The following PDCD6 variants were observed in gnomAD, a reference collection of about 807,000 sequenced individuals.
The protein encoded by PDCD6 is programmed cell death protein 6.
Under a neutral mutation model 28.3 loss-of-function variants are expected in PDCD6, and 12 were observed. That is an observed-to-expected ratio of 0.42 (90% CI 0.27 to 0.69). The LOEUF is 0.69. PDCD6 is among the 30% of genes least tolerant of loss of function. The pLI is 0.22. For missense variants in PDCD6, 226 were observed against 269.9 expected (o/e 0.84, Z 1.14); for synonymous variants, 92 against 108.0 (o/e 0.85, Z 0.92).
At chr5:288,294 AT>A (rs1561037365) in intron 2 of PDCD6, among the ~76,000 whole-genome samples, 10 of 106,440 alleles carry the variant, frequency 9.4e-5, no homozygotes, top group African/African-American at 2.8e-4. Flanking sequence ...TATATATATT[AT>A]ATATATATAT....
chr5:309,983 C>T (rs1453816141), intron 4 of PDCD6: 2 of 225,454 alleles, frequency 8.9e-6, no homozygotes, highest in African/African-American at 2.5e-5. Flanking sequence ...CAGTGATGGC[C>T]GCCGTGCCCG....
Position 307,921 on chromosome 5 carries a change from C to A in PDCD6, c.367+1161C>A, listed in dbSNP as rs554343403. ...CCTCAAGAAGCAGTTCTGAGCTGAC[C>A]AGCTGCGAGCCAGGATTTGGGCTGG... is the stretch of plus-strand genomic sequence containing the variant. On this transcript the variant is annotated intron_variant, in intron 4 of 5. Coordinates refer to ENST00000264933, the MANE Select transcript of PDCD6 (RefSeq NM_013232.4). The surrounding 1 kb of genome is among the most constrained non-coding windows in gnomAD (Gnocchi z 6.1). Among the ~76,000 whole-genome samples, 9 of 152,284 alleles carry A rather than the reference C, an allele frequency of 5.9e-5. No individual in the cohort carries two copies. Among genetic ancestry groups the A allele is most frequent in the Non-Finnish European group, 1.2e-4 (8 of 68,010 alleles).
At position 302,395 on chromosome 5, in the gene PDCD6, C is replaced by CTGTGTGTGTGTG. The variant is rs1561046930; in HGVS notation, c.164-1775_164-1774insGTGTGTGTGTGT. ...GGAGGGTGGGTCGTGGAGTGCTGCT[C>CTGTGTGTGTGTG]TGTGTGTATGCCTCAGGTTCAGGTG... On this transcript the variant is annotated intron_variant, in intron 2 of 5. Transcript: ENST00000264933. Among the ~76,000 whole-genome samples the CTGTGTGTGTGTG allele has an allele frequency of 4.8e-3, 367 of 76,154 alleles. 18 individuals carry two copies. The highest frequency in any genetic ancestry group is 0.017 in the African/African-American group (141 of 8,414). The allele number at this position is 76,154 out of a possible 152,430, so 50.0% of individuals were successfully genotyped here.
In PDCD6 at chr5:293,342, C is replaced by T. The variant is rs1462194994; in HGVS notation, c.164-10835C>T. On this transcript the variant is annotated intron_variant, in intron 2 of 5. Transcript: ENST00000264933. ...GCAGATCAAGAAGACGGGAACAGCACGAGGCACTGGGAGCTGCAAACGCCT... is the reference window on the plus strand; with the variant it reads ...GCAGATCAAGAAGACGGGAACAGCATGAGGCACTGGGAGCTGCAAACGCCT... Among the ~76,000 whole-genome samples the T allele has an allele frequency of 1.0e-4, 14 of 133,664 alleles. 1 individual carries two copies. Among genetic ancestry groups the T allele is most frequent in the Middle Eastern group, 3.9e-3 (1 of 254 alleles). The allele number at this position is 133,664 out of a possible 152,430, so 87.7% of individuals were successfully genotyped here.
chr5:302,408 T>A (rs1212740178), intron 2 of PDCD6, among the ~76,000 whole-genome samples: 7 of 85,378 alleles, frequency 8.2e-5, no homozygotes, highest in Admixed American at 3.3e-4. Flanking sequence ...TGTGTATGCC[T>A]CAGGTTCAGG....
chr5:284,254 C>T (rs1329045505), intron 2 of PDCD6, among the ~76,000 whole-genome samples: 4 of 151,752 alleles, frequency 2.6e-5, no homozygotes, highest in Non-Finnish European at 5.9e-5. Flanking sequence ...GCTGAAGACT[C>T]GGGGAGGAGC....
intron 2 of PDCD6, chr5:289,499 T>G: frequency 1.4e-6 from 1 of 720,992 alleles, no homozygotes; most frequent in Non-Finnish European, 2.5e-6. Context: ...GATGCTTCTG[T>G]TTCTTCTACC....
In PDCD6 at chr5:273,146, C is replaced by T. The variant is rs559295525; in HGVS notation, c.163+374C>T. On this transcript the variant is annotated intron_variant, in intron 2 of 5. Coordinates refer to ENST00000264933, the MANE Select transcript of PDCD6 (RefSeq NM_013232.4). ...ATCTTGGTGACTTCTCTGAATAGAC[C>T]TTCGAGGGCACTGGGGGGTGATTGT... 6.4e-5 allele frequency: 14 copies of T among 217,270 alleles called. No homozygotes were observed. In the East Asian group the frequency reaches 9.0e-4, roughly 14 times the overall value. The allele number at this position is 217,270 out of a possible 1,614,324, so 13.5% of individuals were successfully genotyped here. A position where few individuals can be genotyped will look rare whatever the true frequency, so the allele number is the denominator to read the frequency against.
chr5:301,582 G>T (rs182874237), intron 2 of PDCD6, among the ~76,000 whole-genome samples: 2 of 152,222 alleles, frequency 1.3e-5, no homozygotes, highest in Non-Finnish European at 2.9e-5. Context: ...ACAGATGCTC[G>T]TCGAGTGCTG....
In PDCD6 at chr5:275,984, A is replaced by G. The variant is rs368851514; in HGVS notation, c.163+3212A>G. ...CCTCCACCCCTTTGCTTTGGGCTCT[A>G]AGCTTCTTCTGCCTTTCATCTCTGT... On this transcript the variant is annotated intron_variant, in intron 2 of 5. Coordinates refer to ENST00000264933, the MANE Select transcript of PDCD6 (RefSeq NM_013232.4). The G allele has an allele frequency of 1.6e-3, 2,025 of 1,283,764 alleles. 29 individuals are homozygous for G. In the African/African-American group the frequency reaches 0.024, roughly 15 times the overall value. The allele number at this position is 1,283,764 out of a possible 1,614,324, so 79.5% of individuals were successfully genotyped here.
At chr5:298,466 G>A (rs1739758349) in intron 2 of PDCD6, among the ~76,000 whole-genome samples, 1 of 152,014 alleles carries the variant, frequency 6.6e-6, no homozygotes, top group Non-Finnish European at 1.5e-5. Context: ...GGGACGGGAG[G>A]CCTGGCAAAC....
At chr5:300,289 T>G (rs1347427218) in intron 2 of PDCD6, among the ~76,000 whole-genome samples, 1 of 152,186 alleles carries the variant, frequency 6.6e-6, no homozygotes, top group Non-Finnish European at 1.5e-5. Context: ...GACCCCCAGG[T>G]TCAGGAGAGC....
chr5:297,486 G>T (rs1739693388), intron 2 of PDCD6, among the ~76,000 whole-genome samples: 1 of 152,176 alleles, frequency 6.6e-6, no homozygotes, highest in African/African-American at 2.4e-5. Flanking sequence ...AAGTGTTTCA[G>T]CTTTTTTGAG....
intron 2 of PDCD6, among the ~76,000 whole-genome samples, chr5:298,237 C>T (rs140683791): frequency 0.015 from 2,332 of 152,234 alleles, 60 homozygotes; most frequent in African/African-American, 0.053. Flanking sequence ...TGAGGGGTGC[C>T]TGGAACATTT....
chr5:310,775 T>A (rs1360332193), intron 4 of PDCD6: 2 of 159,398 alleles, frequency 1.3e-5, no homozygotes, highest in Non-Finnish European at 2.7e-5. Context: ...GCCACTCCCA[T>A]TTCCTGACAT....
In PDCD6 at chr5:271,761, C is replaced by G. The variant is rs746293509; in HGVS notation, c.41C>G (p.Pro14Arg). Residue 14 changes from proline to arginine, a missense_variant, in exon 1 of 6, where the codon CCT becomes CGT. Physicochemically the swap from Pro to Arg is moderately radical, Grantham distance 103. Around this residue, in one of 3 missense-constraint regions of PDCD6, gnomAD observed 72 missense variants for 71.4 expected, o/e 1.01. Transcript: ENST00000264933. ...TACCGCCCCGGCCCTGGGGCCGGCC[C>G]TGGGCCTGCTGCAGGCGCGGCGCTG... ...YSYRPGPGAG[P>R]GPAAGAALPD... 1 of 1,506,042 alleles carries G rather than the reference C, an allele frequency of 6.6e-7. No individual in the cohort carries two copies. Among genetic ancestry groups the G allele is most frequent in the Admixed American group, 2.3e-5 (1 of 44,278 alleles). 93.3% of individuals were successfully genotyped at this position (1,506,042 alleles called of 1,614,324 possible). A position where few individuals can be genotyped will look rare whatever the true frequency, so the allele number is the denominator to read the frequency against.
chr5:301,576 A>T (rs1579531104), intron 2 of PDCD6, among the ~76,000 whole-genome samples: 1 of 152,370 alleles, frequency 6.6e-6, no homozygotes, highest in African/African-American at 2.4e-5. Flanking sequence ...AGCTTAACAG[A>T]TGCTCGTCGA....
chr5:290,088 G>C (rs1739227285), intron 2 of PDCD6: 19 of 1,574,356 alleles, frequency 1.2e-5, no homozygotes, highest in Non-Finnish European at 1.7e-5. Context: ...TTTCATCAAA[G>C]GGAATATATT....
intron 2 of PDCD6, among the ~76,000 whole-genome samples, chr5:298,163 G>A (rs993723160): frequency 6.6e-6 from 1 of 152,148 alleles, no homozygotes; most frequent in Non-Finnish European, 1.5e-5. Flanking sequence ...TCCCAGGCAC[G>A]GGTCGAGCTG....
Sources: allele counts gnomAD v4.1 joint callset (sites outside exome capture counted in the v4.1 genomes callset), GRCh38; gene constraint gnomAD v4.1.1; regional missense constraint gnomAD v4.1.1; non-coding constraint Gnocchi (gnomAD v3.1); transcripts MANE v1.5; gene names NCBI Gene and HGNC (gene_info 2026-07-23, HGNC 2026-07-21).